IDI2: variants seen among roughly 807,000 people sequenced by gnomAD.
IDI2 encodes the protein isopentenyl-diphosphate delta-isomerase 2.
A neutral mutation model predicts 14.8 loss-of-function variants in IDI2; 18 were observed. The observed-to-expected ratio is 1.22, with a 90% confidence interval of 0.84 to 1.80. The LOEUF (loss-of-function observed/expected upper bound fraction) is 1.80, where lower values mean the gene tolerates loss of function less well. Among genes scored for constraint, IDI2 ranks in the 40% most tolerant of loss-of-function variants. IDI2 has a pLI of 0.00. For synonymous variants in IDI2, 133 were observed against 109.6 expected (o/e 1.21, Z -1.33); for missense variants, 316 against 283.2 (o/e 1.12, Z -0.83).
chr10:1,022,660 G>A lies in IDI2; in HGVS notation c.235+23C>T, dbSNP rs753790399. 2.1e-5 allele frequency: 33 copies of A among 1,561,756 alleles called. 2 individuals are homozygous for A. The South Asian group carries it at 2.4e-4, about 12-fold the overall frequency. On this transcript the variant is annotated intron_variant, in intron 3 of 4. Transcript: ENST00000277517. The stretch of plus-strand genomic sequence containing the variant: ...TCACATGAGATGCTCTCTTCAGTCC[G>A]GGGCTTGGTTGAACGGACTCACCAG...
intron 3 of IDI2, among the ~76,000 whole-genome samples, chr10:1,022,146 C>A (rs60225499): frequency 2.6e-5 from 4 of 151,962 alleles, no homozygotes; most frequent in African/African-American, 9.7e-5. Context: ...GTAGTCCCAG[C>A]TACTTGGGAG....
Position 1,022,574 on chromosome 10 carries a change from A to C in IDI2, c.235+109T>G. The C allele has an allele frequency of 2.5e-6, 2 of 807,442 alleles. 1 individual carries two copies. The highest frequency in any genetic ancestry group is 2.9e-5 in the South Asian group (2 of 69,588). The allele number at this position is 807,442 out of a possible 1,614,324, so 50.0% of individuals were successfully genotyped here. On this transcript the variant is annotated intron_variant, in intron 3 of 4. Coordinates refer to ENST00000277517, the MANE Select transcript of IDI2 (RefSeq NM_033261.3). ...CCGATTTTCTGCAGGATGAGCTGCC[A>C]GCTCACCACAGTGCGGCACTGAGCA... is the stretch of plus-strand genomic sequence containing the variant.
At chr10:1,019,945 T>G in intron 4 of IDI2, 111 bp from the exon 5 acceptor site, 1 of 869,614 alleles carries the variant, frequency 1.1e-6, no homozygotes, top group Non-Finnish European at 1.8e-6. Flanking sequence ...AACACTTTCT[T>G]TGGTAATTGA....
intron 3 of IDI2, among the ~76,000 whole-genome samples, chr10:1,021,654 C>G (rs1418117495): frequency 6.6e-6 from 1 of 152,194 alleles, no homozygotes; most frequent in East Asian, 1.9e-4. Context: ...AAACTGTTGA[C>G]TATGTACTAC....
At chr10:1,020,991 GTCA>G in intron 3 of IDI2, 94 bp from the exon 4 acceptor site, 1 of 1,369,920 alleles carries the variant, frequency 7.3e-7, no homozygotes, top group South Asian at 1.4e-5. Flanking sequence ...ACCATCATCC[GTCA>G]TCAGCAGAAG....
At chr10:1,023,750 A>G (rs1283187391) in intron 2 of IDI2, among the ~76,000 whole-genome samples, 6 of 152,218 alleles carry the variant, frequency 3.9e-5, no homozygotes, top group East Asian at 1.9e-4. Flanking sequence ...CAGCTGTTCA[A>G]TAGCACAGTA....
rs757466189 is a variant in IDI2 at position 1,022,674 on chromosome 10, C to T, written c.235+9G>A. ...CTCTTCAGTCCGGGGCTTGGTTGAA[C>T]GGACTCACCAGGAAACGTGACTTTC... On this transcript the variant is annotated intron_variant, in intron 3 of 4. Transcript: ENST00000277517. 16 of 1,605,212 alleles carry T rather than the reference C, an allele frequency of 1.0e-5. No homozygotes were observed. In the Admixed American group the frequency reaches 1.3e-4, roughly 13 times the overall value.
intron 2 of IDI2, among the ~76,000 whole-genome samples, chr10:1,024,318 G>A (rs2132187841): frequency 6.6e-6 from 1 of 152,332 alleles, no homozygotes; most frequent in Non-Finnish European, 1.5e-5. Flanking sequence ...AAACAACCTG[G>A]TAGAATTCTT....
chr10:1,020,464 CA>C (rs1832072241), intron 4 of IDI2, among the ~76,000 whole-genome samples: 1 of 152,258 alleles, frequency 6.6e-6, no homozygotes, highest in Admixed American at 6.5e-5. Flanking sequence ...GATGGGATTA[CA>C]GGCGTGAGCC....
At position 1,020,819 on chromosome 10, in the gene IDI2, C is replaced by G; in HGVS notation, c.314G>C (p.Arg105Thr). The change falls in exon 4 of 5, where the codon AGG becomes ACG. Residue 105 changes from arginine (R) to threonine (T), a missense_variant. Arg to Thr is a moderately conservative substitution (Grantham distance 71, BLOSUM62 -1). Transcript: ENST00000277517. ...ELEEKDAIGV[R>T]RAAQRRLQAE... is the part of the protein sequence containing the mutation. ...TTGCAGACGCCTCTGGGCTGCCCTC[C>G]TCACTCCGATGGCATCCTTTTCTTC... 1 of 1,614,018 alleles carries G rather than the reference C, an allele frequency of 6.2e-7. No homozygotes were observed. Among genetic ancestry groups the G allele is most frequent in the East Asian group, 2.2e-5 (1 of 44,878 alleles).
rs768329557 is a variant in IDI2 at position 1,020,886 on chromosome 10, C to CGGT, written c.244_246dup (p.Thr82dup). On this transcript the variant is annotated inframe_insertion, in exon 4 of 5. Coordinates refer to ENST00000277517, the MANE Select transcript of IDI2 (RefSeq NM_033261.3). ...TATAATGGGTGGCTACTACAGGAGT[C>CGGT]GGTAAAATACCCTGGAAAAAATGCA... 1.2e-6 allele frequency: 2 copies of CGGT among 1,611,160 alleles called. No individual in the cohort carries two copies. Among genetic ancestry groups the CGGT allele is most frequent in the Non-Finnish European group, 8.5e-7 (1 of 1,179,054 alleles).
Position 1,019,226 on chromosome 10 carries a change from C to T in IDI2, c.*291G>A, listed in dbSNP as rs1267870986. The stretch of plus-strand genomic sequence containing the variant: ...CAGGACTCTCAAGATCTCCCCAAGA[C>T]TTTCAGGATCAGCTGCTGTTAATCA... On this transcript the variant is annotated 3_prime_UTR_variant, in exon 5 of 5. Coordinates refer to ENST00000277517, the MANE Select transcript of IDI2 (RefSeq NM_033261.3). 6.2e-6 allele frequency: 2 copies of T among 320,140 alleles called. No homozygotes were observed. The allele number at this position is 320,140 out of a possible 1,614,324, so 19.8% of individuals were successfully genotyped here. A position where few individuals can be genotyped will look rare whatever the true frequency, so the allele number is the denominator to read the frequency against.
rs755811799 is a variant in IDI2 at position 1,024,689 on chromosome 10, C to T, written c.35G>A (p.Arg12His). Reference sequence around the variant, plus strand: ...CATTTCCTCCAAGCGCTGCAACTGACGCCTGTCAACCCAGTCAAGATTTAT... The same window carrying T: ...CATTTCCTCCAAGCGCTGCAACTGATGCCTGTCAACCCAGTCAAGATTTAT... ...SDINLDWVDR[R>H]QLQRLEEMLI... Residue 12 changes from arginine (R) to histidine (H), a missense_variant, in exon 2 of 5, where the codon CGT becomes CAT. Physicochemically the swap from Arg to His is conservative, Grantham distance 29. Transcript: ENST00000277517. 4.0e-5 allele frequency: 64 copies of T among 1,614,184 alleles called. No homozygotes were observed. Among genetic ancestry groups the T allele is most frequent in the Middle Eastern group, 1.6e-4 (1 of 6,062 alleles).
chr10:1,022,339 A>G (rs201223244), intron 3 of IDI2, among the ~76,000 whole-genome samples: 3 of 152,136 alleles, frequency 2.0e-5, no homozygotes, highest in African/African-American at 7.2e-5. Flanking sequence ...GATAATTTTT[A>G]TTATTATTAC....
intron 1 of IDI2, among the ~76,000 whole-genome samples, chr10:1,025,010 CCACACACACACACACACACA>C (rs72086728): frequency 1.4e-4 from 21 of 144,996 alleles, no homozygotes; most frequent in Non-Finnish European, 2.1e-4. Flanking sequence ...CCCCGCCCCA[CCACACACACACACACACACA>C]CACACACACA....
At chr10:1,020,285 C>T (rs1832069431) in intron 4 of IDI2, among the ~76,000 whole-genome samples, 1 of 151,554 alleles carries the variant, frequency 6.6e-6, no homozygotes. Flanking sequence ...TGCAGTGGCA[C>T]AATCCCGGCT....
intron 3 of IDI2, among the ~76,000 whole-genome samples, chr10:1,021,633 G>A (rs577996732): frequency 1.3e-5 from 2 of 152,178 alleles, no homozygotes; most frequent in Non-Finnish European, 2.9e-5. Flanking sequence ...AGCTCCAGGG[G>A]CTTTATTTGC....
At chr10:1,023,724 A>G (rs1198741274) in intron 2 of IDI2, among the ~76,000 whole-genome samples, 1 of 152,202 alleles carries the variant, frequency 6.6e-6, no homozygotes, top group Non-Finnish European at 1.5e-5. Context: ...ATACCGCGAT[A>G]GAGAAGGAAT....
chr10:1,022,925 A>C, intron 2 of IDI2, 150 bp from the exon 3 acceptor site: 1 of 603,530 alleles, frequency 1.7e-6, no homozygotes, highest in Non-Finnish European at 3.0e-6. Context: ...GCCCAAACAC[A>C]ACGTTTCAGA....
Sources: allele counts gnomAD v4.1 joint callset (sites outside exome capture counted in the v4.1 genomes callset), GRCh38; gene constraint gnomAD v4.1.1; transcripts MANE v1.5; gene names NCBI Gene and HGNC (gene_info 2026-07-23, HGNC 2026-07-21).